The following ZNF613 variants were observed in gnomAD, a reference collection of about 807,000 sequenced individuals.
ZNF613 encodes zinc finger protein 613.
Under a neutral mutation model 14.3 loss-of-function variants are expected in ZNF613, and 8 were observed. That is an observed-to-expected ratio of 0.56 (90% CI 0.33 to 1.01). The LOEUF is 1.01. Among genes scored for constraint, ZNF613 ranks in the 50% least tolerant of loss-of-function variants. The pLI, the probability that ZNF613 is intolerant of heterozygous loss-of-function variation, is 0.03. For missense variants in ZNF613, 656 were observed against 741.9 expected (o/e 0.88, Z 1.35); for synonymous variants, 228 against 254.5 (o/e 0.90, Z 0.99).
Position 51,945,388 on chromosome 19 carries a change from A to G in ZNF613, c.1505A>G (p.His502Arg). Reference sequence around the variant, plus strand: ...AGAGATAAATCATGTCTCAACAGACATCGGAGAACTCATACAGGGGAGAGA... The same window carrying G: ...AGAGATAAATCATGTCTCAACAGACGTCGGAGAACTCATACAGGGGAGAGA... ...AFRDKSCLNR[H>R]RRTHTGERPY... The change falls in exon 6 of 6, where the codon CAT becomes CGT. Residue 502 changes from histidine (H) to arginine (R), a missense_variant. His to Arg is a conservative substitution (Grantham distance 29, BLOSUM62 0). Transcript: ENST00000293471. 4 of 1,613,758 alleles carry G rather than the reference A, an allele frequency of 2.5e-6. No homozygotes were observed. Among genetic ancestry groups the G allele is most frequent in the Non-Finnish European group, 3.4e-6 (4 of 1,179,732 alleles).
At position 51,945,618 on chromosome 19, in the gene ZNF613, G is replaced by C; in HGVS notation, c.1735G>C (p.Val579Leu). Residue 579 changes from valine (V) to leucine (L), a missense_variant, in exon 6 of 6, where the codon GTG (valine) becomes CTG (leucine). By Grantham distance (32) the Val-to-Leu change is conservative. Transcript: ENST00000293471. ...CATGGTGACTCTGCAGATGCCTTCT[G>C]TGGCAGCTCAGACCTCATTAACTAA... Reference protein sequence around the residue: ...VNMVTLQMPSVAAQTSLTNSA... With the variant: ...VNMVTLQMPSLAAQTSLTNSA... The C allele has an allele frequency of 6.2e-7, 1 of 1,614,168 alleles. No homozygotes were observed. Among genetic ancestry groups the C allele is most frequent in the Non-Finnish European group, 8.5e-7 (1 of 1,180,020 alleles).
chr19:51,933,869 G>C (rs2085285956), intron 2 of ZNF613, among the ~76,000 whole-genome samples: 1 of 152,222 alleles, frequency 6.6e-6, no homozygotes, highest in Non-Finnish European at 1.5e-5. Context: ...TGTGATCTCA[G>C]CTCACTGCAA....
chr19:51,933,505 G>A (rs996046104), intron 2 of ZNF613, among the ~76,000 whole-genome samples: 12 of 152,020 alleles, frequency 7.9e-5, no homozygotes, highest in African/African-American at 7.3e-5. Context: ...GTACAGTGAC[G>A]AGATCATGGC....
chr19:51,945,507 G>A lies in ZNF613; in HGVS notation c.1624G>A (p.Gly542Ser). 2 of 1,614,190 alleles carry A rather than the reference G, an allele frequency of 1.2e-6. No individual in the cohort carries two copies. The highest frequency in any genetic ancestry group is 1.7e-6 in the Non-Finnish European group (2 of 1,180,026). Residue 542 changes from glycine to serine, a missense_variant, in exon 6 of 6, where the codon GGT becomes AGT. Transcript: ENST00000293471. Reference protein sequence around the residue: ...GMLHAREKCVGSVKLENPCSE... With the variant: ...GMLHAREKCVSSVKLENPCSE... ...GCTGCATGCAAGAGAGAAATGTGTA[G>A]GTTCAGTCAAATTGGAAAATCCTTG...
At position 51,940,685 on chromosome 19, in the gene ZNF613, G is replaced by T; in HGVS notation, c.211G>T (p.Glu71Ter). Reference protein sequence around the residue: ...EQGEPWTVENEIHSQICPEIK... With the variant: ...EQGEPWTVEN ...AGGAGAGCCATGGACAGTAGAAAAT[G>T]AAATCCACAGCCAAATCTGTCCAGG... Residue 71 changes from glutamate to a stop codon, truncating the protein, a stop_gained, in exon 5 of 6, where the codon GAA becomes TAA. Transcript: ENST00000293471. LOFTEE classifies it low-confidence loss of function (END_TRUNC). The T allele has an allele frequency of 6.2e-7, 1 of 1,613,234 alleles. No homozygotes were observed. Among genetic ancestry groups the T allele is most frequent in the Non-Finnish European group, 8.5e-7 (1 of 1,179,574 alleles).
intron 5 of ZNF613, among the ~76,000 whole-genome samples, chr19:51,943,658 G>A (rs111538034): frequency 2.0e-5 from 3 of 152,286 alleles, no homozygotes; most frequent in East Asian, 1.9e-4. Context: ...AGGTATGTAT[G>A]CACTGTACAG....
chr19:51,939,280 A>G (rs1158337684), intron 3 of ZNF613, among the ~76,000 whole-genome samples: 1 of 151,632 alleles, frequency 6.6e-6, no homozygotes, highest in Non-Finnish European at 1.5e-5. Context: ...TGGTTTTTGA[A>G]TAATATTTTG....
At chr19:51,943,626 C>T (rs1425490433) in intron 5 of ZNF613, among the ~76,000 whole-genome samples, 1 of 152,106 alleles carries the variant, frequency 6.6e-6, no homozygotes, top group Non-Finnish European at 1.5e-5. Flanking sequence ...TCTTGCTGTG[C>T]CTAGTTTGTA....
intron 3 of ZNF613, 152 bp downstream of exon 3, chr19:51,936,387 A>C (rs2085305555): frequency 2.7e-6 from 2 of 736,528 alleles, no homozygotes; most frequent in Non-Finnish European, 4.3e-6. Flanking sequence ...ATCTAGGCAA[A>C]GTAGGATCAG....
At chr19:51,932,922 C>T (rs974533187) in intron 2 of ZNF613, among the ~76,000 whole-genome samples, 1 of 151,978 alleles carries the variant, frequency 6.6e-6, no homozygotes. Context: ...CAAAGCAATC[C>T]TCCTGCCTTG....
chr19:51,939,793 C>A (rs950464054), intron 3 of ZNF613, among the ~76,000 whole-genome samples: 5 of 151,430 alleles, frequency 3.3e-5, no homozygotes, highest in Admixed American at 2.0e-4. Context: ...GGGTTTCTTC[C>A]TGGTTGATTC....
intron 5 of ZNF613, among the ~76,000 whole-genome samples, chr19:51,942,445 T>A (rs1156861987): frequency 3.9e-5 from 6 of 152,196 alleles, no homozygotes; most frequent in Admixed American, 1.3e-4. Context: ...TTTGGTCAGA[T>A]GCCTTTGAGC....
chr19:51,934,601 T>C (rs948219902), intron 2 of ZNF613, among the ~76,000 whole-genome samples: 3 of 152,236 alleles, frequency 2.0e-5, no homozygotes, highest in Non-Finnish European at 4.4e-5. Context: ...AGTGATGCTT[T>C]AGAATTTATG....
intron 3 of ZNF613, among the ~76,000 whole-genome samples, chr19:51,938,632 A>G (rs2085322637): frequency 6.6e-6 from 1 of 151,542 alleles, no homozygotes. Flanking sequence ...CCCCCTGTGT[A>G]AGATTGTGCA....
intron 1 of ZNF613, among the ~76,000 whole-genome samples, chr19:51,928,362 G>A (rs1240036108): frequency 6.6e-6 from 1 of 152,220 alleles, no homozygotes; most frequent in African/African-American, 2.4e-5. Flanking sequence ...CAGTCGTGGA[G>A]AAGCTTGTGA....
rs1422415210 is a variant in ZNF613, at chr19:51,928,816, T to C, written c.-358-916T>C. 2.8e-5 allele frequency among the ~76,000 whole-genome samples: 4 copies of C among 141,566 alleles called. No individual in the cohort carries two copies. The East Asian group carries it at 6.1e-4, about 22-fold the overall frequency. The allele number at this position is 141,566 out of a possible 152,430, so 92.9% of individuals were successfully genotyped here. A position where few individuals can be genotyped will look rare whatever the true frequency, so the allele number is the denominator to read the frequency against. On this transcript the variant is annotated intron_variant, in intron 1 of 5. Transcript: ENST00000293471. ...GCTGCAGTGAACTATGATTGAGCAC[T>C]GCACTCCAGCCTGGGCAACAGAGTG...
In ZNF613 at chr19:51,945,500, A is replaced by C. The variant is rs973677777; in HGVS notation, c.1617A>C (p.Lys539Asn). ...AGGGAATGCTGCATGCAAGAGAGAAATGTGTAGGTTCAGTCAAATTGGAAA... is the reference window on the plus strand; with the variant it reads ...AGGGAATGCTGCATGCAAGAGAGAACTGTGTAGGTTCAGTCAAATTGGAAA... Reference protein sequence around the residue: ...YHKGMLHAREKCVGSVKLENP... With the variant: ...YHKGMLHARENCVGSVKLENP... The change falls in exon 6 of 6, where the codon AAA becomes AAC. Residue 539 changes from lysine to asparagine, a missense_variant. Lys to Asn is a moderately conservative substitution (Grantham distance 94). Coordinates refer to ENST00000293471, the MANE Select transcript of ZNF613 (RefSeq NM_001031721.4). 2 of 1,614,058 alleles carry C rather than the reference A, an allele frequency of 1.2e-6. No homozygotes were observed. Among genetic ancestry groups the C allele is most frequent in the Non-Finnish European group, 1.7e-6 (2 of 1,180,028 alleles).
In ZNF613 at chr19:51,940,416, G is replaced by A. The variant is rs535663337; in HGVS notation, c.142+81G>A. The A allele has an allele frequency of 2.6e-5, 41 of 1,606,710 alleles. No individual in the cohort carries two copies. The Admixed American group carries it at 5.7e-4, about 22-fold the overall frequency. On this transcript the variant is annotated intron_variant, in intron 4 of 5. Transcript: ENST00000293471. ...TCTCAGCTTTCAAAAGCTCTGGAGG[G>A]CCTGTGGTGCTCTGAAGTGGTAGAT... is the stretch of plus-strand genomic sequence containing the variant.
rs1173814329 is a variant in ZNF613, at chr19:51,945,052, A to G, written c.1169A>G (p.His390Arg). The change falls in exon 6 of 6, where the codon CAT (histidine) becomes CGT (arginine). Residue 390 changes from histidine to arginine, a missense_variant. Physicochemically the swap from His to Arg is conservative, Grantham distance 29 (BLOSUM62 0). Transcript: ENST00000293471. ...ATTCAGAAGGGAAATCTCATTGTAC[A>G]TCAGCGAATTCATACTGGAGAAAAA... ...GFIQKGNLIV[H>R]QRIHTGEKPY... 1.2e-6 allele frequency: 2 copies of G among 1,614,260 alleles called. No individual in the cohort carries two copies. Among genetic ancestry groups the G allele is most frequent in the East Asian group, 4.5e-5 (2 of 44,886 alleles).
Sources: allele counts gnomAD v4.1 joint callset (sites outside exome capture counted in the v4.1 genomes callset), GRCh38; gene constraint gnomAD v4.1.1; transcripts MANE v1.5; gene names NCBI Gene and HGNC (gene_info 2026-07-23, HGNC 2026-07-21).